DIAPH1: variants seen among roughly 807,000 people sequenced by gnomAD.
DIAPH1 encodes protein diaphanous homolog 1.
Under a neutral mutation model 140.7 loss-of-function variants are expected in DIAPH1, and 46 were observed. That is an observed-to-expected ratio of 0.33 (90% CI 0.26 to 0.42). DIAPH1 has a LOEUF of 0.42. Among genes scored for constraint, DIAPH1 ranks in the 10% least tolerant of loss-of-function variants. DIAPH1 has a pLI of 1.00. For missense variants in DIAPH1, 1,310 were observed against 1,558.7 expected (o/e 0.84, Z 2.69); for synonymous variants, 565 against 551.6 (o/e 1.02, Z -0.34).
rs370443000 is a variant in DIAPH1, at chr5:141,526,053, T to C, written c.3559A>G (p.Ile1187Val). 1 of 1,614,030 alleles carries C rather than the reference T, an allele frequency of 6.2e-7. No homozygotes were observed. ...CACTCCTCACCTGCATTCATGTCTA[T>C]GAGTTGCTCTCTCTTCTGCTGCTTC... ...LEKQQKREQL[I>V]DMNAEGDETG... is the part of the protein sequence containing the mutation. The change falls in exon 26 of 28, where the codon ATA becomes GTA. Residue 1187 changes from isoleucine to valine, a missense_variant. Ile to Val is a conservative substitution (Grantham distance 29). Transcript: ENST00000389054.
intron 13 of DIAPH1, 74 bp downstream of exon 13, chr5:141,576,682 T>A (rs1284489006): frequency 9.2e-7 from 1 of 1,084,026 alleles, no homozygotes; most frequent in African/African-American, 1.5e-5. Flanking sequence ...TTCTCTGACA[T>A]TTTCACTGAA....
At chr5:141,561,093 G>A (rs77198959) in intron 18 of DIAPH1, among the ~76,000 whole-genome samples, 1,619 of 152,020 alleles carry the variant, frequency 0.011, 42 homozygotes, top group African/African-American at 0.037. Flanking sequence ...AAAAATGCAA[G>A]CAGAATAGGA....
Position 141,587,215 on chromosome 5 carries a change from G to A in DIAPH1, c.145-18C>T, listed in dbSNP as rs766863836. 4.3e-6 allele frequency: 7 copies of A among 1,612,866 alleles called. No individual in the cohort carries two copies. In the East Asian group the frequency reaches 1.1e-4, roughly 26 times the overall value. ...CTCTCCAGCTGAGAAACAGAAAAAA[G>A]CATTAGCAGTGATCCATTTTCACTT... On this transcript the variant is annotated intron_variant, in intron 2 of 27. Transcript: ENST00000389054.
intron 1 of DIAPH1, among the ~76,000 whole-genome samples, chr5:141,608,773 C>T (rs1441015056): frequency 1.3e-5 from 2 of 152,232 alleles, no homozygotes; most frequent in Non-Finnish European, 2.9e-5. Flanking sequence ...AGAAGAGATC[C>T]TGGTTATTAG....
intron 18 of DIAPH1, among the ~76,000 whole-genome samples, chr5:141,559,650 T>C (rs1313595905): frequency 1.3e-5 from 2 of 152,146 alleles, no homozygotes; most frequent in Non-Finnish European, 2.9e-5. Context: ...CACAGATACT[T>C]TCCCAGCACA....
At position 141,527,563 on chromosome 5, in the gene DIAPH1, G is replaced by C. The variant is rs1177657976; in HGVS notation, c.3273+10C>G. On this transcript the variant is annotated intron_variant, in intron 24 of 27. Transcript: ENST00000389054. Reference sequence around the variant, plus strand: ...CTAGGGAACAACTCCCTCCTTTCAAGAGAGGATATGGTCATTTTTTCAACA... The same window carrying C: ...CTAGGGAACAACTCCCTCCTTTCAACAGAGGATATGGTCATTTTTTCAACA... 1.2e-6 allele frequency: 2 copies of C among 1,613,494 alleles called. No individual in the cohort carries two copies. The highest frequency in any genetic ancestry group is 3.3e-5 in the Admixed American group (2 of 59,924).
chr5:141,601,421 G>A (rs1042076565), intron 1 of DIAPH1, among the ~76,000 whole-genome samples: 25 of 151,976 alleles, frequency 1.6e-4, no homozygotes, highest in Admixed American at 1.5e-3. Flanking sequence ...CCGAGTAGCT[G>A]GGATTACAGT....
At chr5:141,599,293 T>C (rs931664505) in intron 1 of DIAPH1, among the ~76,000 whole-genome samples, 3 of 152,202 alleles carry the variant, frequency 2.0e-5, no homozygotes, top group Non-Finnish European at 2.9e-5. Flanking sequence ...GCAAGAACCA[T>C]GTGGCCAGCA....
At chr5:141,597,144 G>A (rs2099899452) in intron 1 of DIAPH1, among the ~76,000 whole-genome samples, 1 of 152,084 alleles carries the variant, frequency 6.6e-6, no homozygotes, top group African/African-American at 2.4e-5. Context: ...AGGAAATAAA[G>A]AAAATTTCCC....
In DIAPH1 at chr5:141,538,538, T is replaced by A. The variant is rs190798392; in HGVS notation, c.2483-4105A>T. ...ACCTCCGCCTCCTGGGTTCAGGTGA[T>A]TCTCCTGCCTCAGCGTCCCGAGTAA... On this transcript the variant is annotated intron_variant, in intron 18 of 27. Transcript: ENST00000389054. Among the ~76,000 whole-genome samples, 177 of 152,236 alleles carry A rather than the reference T, an allele frequency of 1.2e-3. 1 individual carries two copies. Among genetic ancestry groups the A allele is most frequent in the Admixed American group, 0.01 (160 of 15,284 alleles).
At chr5:141,617,620 G>A (rs1037208497) in intron 1 of DIAPH1, among the ~76,000 whole-genome samples, 1 of 152,146 alleles carries the variant, frequency 6.6e-6, no homozygotes, top group African/African-American at 2.4e-5. Context: ...TAGTGTAAGG[G>A]CATAAATACC....
chr5:141,616,961 C>A (rs147224892), intron 1 of DIAPH1, among the ~76,000 whole-genome samples: 1 of 152,110 alleles, frequency 6.6e-6, no homozygotes, highest in Non-Finnish European at 1.5e-5. Context: ...CTTACAGTAC[C>A]ACACACATAG....
chr5:141,524,219 C>G lies in DIAPH1; in HGVS notation c.3585G>C (p.Glu1195Asp). The G allele has an allele frequency of 6.2e-7, 1 of 1,614,090 alleles. No homozygotes were observed. The highest frequency in any genetic ancestry group is 8.5e-7 in the Non-Finnish European group (1 of 1,179,962). ...QLIDMNAEGDETGVMDSLLEA... is the reference protein window; with the variant it reads ...QLIDMNAEGDDTGVMDSLLEA... ...CTAGAAGACTGTCCATCACACCTGTCTCATCGCCCTCTGTTATAAAGAACA... is the reference window on the plus strand; with the variant it reads ...CTAGAAGACTGTCCATCACACCTGTGTCATCGCCCTCTGTTATAAAGAACA... Residue 1195 changes from glutamate to aspartate, a missense_variant, in exon 27 of 28, where the codon GAG (glutamate) becomes GAC (aspartate). Around this residue, in one of 3 missense-constraint regions of DIAPH1, gnomAD observed 344 missense variants for 512.2 expected, o/e 0.67. Transcript: ENST00000389054.
chr5:141,578,184 G>C (rs544898015), intron 11 of DIAPH1, 41 bp downstream of exon 11: 71 of 1,416,908 alleles, frequency 5.0e-5, no homozygotes, highest in Non-Finnish European at 6.3e-5. Flanking sequence ...TAAATACAAT[G>C]AATGTCTCAT....
chr5:141,592,093 AAAAG>A (rs1438606315), intron 1 of DIAPH1, among the ~76,000 whole-genome samples: 2 of 151,038 alleles, frequency 1.3e-5, no homozygotes, highest in Non-Finnish European at 2.9e-5. Flanking sequence ...AAAAAAAAAA[AAAAG>A]AAAGAAAGAA....
chr5:141,606,655 A>G (rs2099901019), intron 1 of DIAPH1, among the ~76,000 whole-genome samples: 1 of 152,210 alleles, frequency 6.6e-6, no homozygotes, highest in Non-Finnish European at 1.5e-5. Context: ...TCGGCCTCCC[A>G]AAGTGCCTGC....
At chr5:141,545,805 T>C (rs1335577125) in intron 18 of DIAPH1, among the ~76,000 whole-genome samples, 1 of 152,188 alleles carries the variant, frequency 6.6e-6, no homozygotes, top group East Asian at 1.9e-4. Flanking sequence ...CGGCATAATA[T>C]GAAAATAGTC....
intron 18 of DIAPH1, among the ~76,000 whole-genome samples, chr5:141,538,894 T>C (rs1335910499): frequency 1.3e-5 from 2 of 152,206 alleles, no homozygotes; most frequent in Non-Finnish European, 2.9e-5. Context: ...AGATTTTTGC[T>C]ACCAAATTCA....
At chr5:141,617,944 G>A (rs191712310) in intron 1 of DIAPH1, among the ~76,000 whole-genome samples, 1 of 152,374 alleles carries the variant, frequency 6.6e-6, no homozygotes, top group Non-Finnish European at 1.5e-5. Flanking sequence ...AAAAGGAGTA[G>A]AGGAGACGGT....
Sources: gnomAD v4.1 joint callset for allele counts (sites outside exome capture counted in the v4.1 genomes callset) on GRCh38, gnomAD v4.1.1 for gene constraint, gnomAD v4.1.1 regional missense constraint, MANE v1.5 for transcripts, NCBI Gene and HGNC (gene_info 2026-07-23, HGNC 2026-07-21) for gene names.